SNX19: variants seen among roughly 807,000 people sequenced by gnomAD.
SNX19 encodes the protein sorting nexin-19.
SNX19 carries 60 observed loss-of-function variants against 85.2 expected under a neutral mutation model. That is an observed-to-expected ratio of 0.70 (90% CI 0.57 to 0.87). The LOEUF (loss-of-function observed/expected upper bound fraction) is 0.87. SNX19 is among the 40% of genes least tolerant of loss of function. The pLI is 0.00. For missense variants in SNX19, 1,201 were observed against 1,217.8 expected, an observed-to-expected ratio of 0.99 and a Z score of 0.21; for synonymous variants, 520 against 470.0, an observed-to-expected ratio of 1.11 and a Z score of -1.38.
rs1374196509 is a variant in SNX19, at chr11:130,872,037, A to C, written c.*6385T>G. Among the ~76,000 whole-genome samples the C allele has an allele frequency of 1.3e-5, 2 of 152,070 alleles. No homozygotes were observed. Among genetic ancestry groups the C allele is most frequent in the African/African-American group, 2.4e-5 (1 of 41,410 alleles). ...TTTGTTTTTTTAATTCTCCCCTCCTAAGCTTCCACATCCCAGAGATGGTGT... is the reference window on the plus strand; with the variant it reads ...TTTGTTTTTTTAATTCTCCCCTCCTCAGCTTCCACATCCCAGAGATGGTGT... On this transcript the variant is annotated 3_prime_UTR_variant, in exon 11 of 11. Transcript: ENST00000265909.
chr11:130,889,868 A>G (rs1311909359), intron 8 of SNX19, among the ~76,000 whole-genome samples: 1 of 152,204 alleles, frequency 6.6e-6, no homozygotes, highest in Non-Finnish European at 1.5e-5. Context: ...ACCAGCTACA[A>G]GGTTAGCTAT....
At chr11:130,890,090 C>T (rs1944392669) in intron 8 of SNX19, among the ~76,000 whole-genome samples, 1 of 152,078 alleles carries the variant, frequency 6.6e-6, no homozygotes, top group East Asian at 1.9e-4. Context: ...AACCACAACC[C>T]CAATATGCTG....
rs12284514 is a variant in SNX19 at position 130,868,953 on chromosome 11, C to T, written c.*9469G>A. On this transcript the variant is annotated 3_prime_UTR_variant, in exon 11 of 11. Transcript: ENST00000265909. ...GTTGCCAACGTCATTTATGGATCAGCAACTGCTTGTAGGCAAAGTCTGTTA... is the reference window on the plus strand; with the variant it reads ...GTTGCCAACGTCATTTATGGATCAGTAACTGCTTGTAGGCAAAGTCTGTTA... 0.092 allele frequency: 13,972 copies of T among 152,272 alleles called. 1,112 individuals carry two copies. Among genetic ancestry groups the T allele is most frequent in the African/African-American group, 0.21 (8,761 of 41,512 alleles). 9.4% of individuals were successfully genotyped at this position (152,272 alleles called of 1,614,324 possible).
chr11:130,895,955 T>C (rs773090301), intron 8 of SNX19, among the ~76,000 whole-genome samples: 10 of 152,186 alleles, frequency 6.6e-5, no homozygotes, highest in Non-Finnish European at 1.5e-4. Context: ...AGTCAAGAGC[T>C]TCCCTTTGGC....
intron 1 of SNX19, among the ~76,000 whole-genome samples, chr11:130,912,266 C>T (rs1358926669): frequency 6.6e-6 from 1 of 152,166 alleles, no homozygotes; most frequent in Non-Finnish European, 1.5e-5. Flanking sequence ...TTGTTTCACG[C>T]AGATTAATTT....
chr11:130,904,113 A>C (rs1945477215), intron 7 of SNX19, among the ~76,000 whole-genome samples: 1 of 152,196 alleles, frequency 6.6e-6, no homozygotes, highest in South Asian at 2.1e-4. Context: ...AAGGGCCACA[A>C]ATGAGCTTAT....
chr11:130,907,382 G>A (rs1945753646), intron 5 of SNX19, among the ~76,000 whole-genome samples: 1 of 152,078 alleles, frequency 6.6e-6, no homozygotes, highest in African/African-American at 2.4e-5. Flanking sequence ...CCCAGATATA[G>A]ATGAAATTTC....
intron 9 of SNX19, among the ~76,000 whole-genome samples, chr11:130,880,354 AC>A (rs138130347): frequency 0.048 from 7,314 of 152,242 alleles, 241 homozygotes; most frequent in Non-Finnish European, 0.078. Context: ...AAAGTTATTA[AC>A]CTAAATATCT....
chr11:130,898,834 T>C (rs1207371321), intron 8 of SNX19, among the ~76,000 whole-genome samples: 1 of 151,466 alleles, frequency 6.6e-6, no homozygotes, highest in African/African-American at 2.4e-5. Flanking sequence ...GAGATGCAGT[T>C]TGGATTCTAC....
At chr11:130,913,801 G>C (rs548015479) in intron 1 of SNX19, among the ~76,000 whole-genome samples, 19 of 152,334 alleles carry the variant, frequency 1.2e-4, no homozygotes, top group Non-Finnish European at 2.5e-4. Context: ...CTTGACAAGA[G>C]ATAACATGAA....
intron 8 of SNX19, among the ~76,000 whole-genome samples, chr11:130,887,475 G>T (rs560159818): frequency 6.6e-6 from 1 of 152,334 alleles, no homozygotes; most frequent in African/African-American, 2.4e-5. Context: ...TAACGGCATA[G>T]ACAAGGGTTG....
rs757708245 is a variant in SNX19 at position 130,915,033 on chromosome 11, C to A, written c.907G>T (p.Gly303Trp). ...GGGGCTGCTACTGGAGAAGCTCTCC[C>A]TTCTGGAAGCTGCTCTACCTCAGCA... ...LIAEVEQLPE[G>W]RASPVAAPVF... The change falls in exon 1 of 11, where the codon GGG (glycine) becomes TGG (tryptophan). Residue 303 changes from glycine (G) to tryptophan (W), a missense_variant. This residue lies in a region of SNX19 where 791 missense variants were observed against 750.9 expected (regional missense o/e 1.05). Coordinates refer to ENST00000265909, the MANE Select transcript of SNX19 (RefSeq NM_014758.3). 5 of 1,614,146 alleles carry A rather than the reference C, an allele frequency of 3.1e-6. No homozygotes were observed. In the South Asian group the frequency reaches 4.4e-5, roughly 14 times the overall value.
chr11:130,891,600 T>C (rs1259975390), intron 8 of SNX19, among the ~76,000 whole-genome samples: 3 of 152,132 alleles, frequency 2.0e-5, no homozygotes, highest in Admixed American at 2.0e-4. Context: ...TGGAGCAGCA[T>C]TGAATTGATT....
chr11:130,893,909 T>G, intron 8 of SNX19: 1 of 672,198 alleles, frequency 1.5e-6, no homozygotes, highest in South Asian at 1.6e-5. Context: ...ACCAAATAGC[T>G]CTACTTCTCC....
rs746322577 is a variant in SNX19, at chr11:130,910,134, G to GTTGC, written c.1915-1_1917dup (p.Leu640AlafsTer10). On this transcript the variant is annotated frameshift_variant, in exon 4 of 11. Coordinates refer to ENST00000265909, the MANE Select transcript of SNX19 (RefSeq NM_014758.3). LOFTEE classifies it high-confidence loss of function. ...TTAGCGATCTCCGGAATGGCACAGA[G>GTTGC]TTGCTGCAAAAGTAAAACACACACA... is the stretch of plus-strand genomic sequence containing the variant. The GTTGC allele has an allele frequency of 2.5e-6, 4 of 1,614,156 alleles. No homozygotes were observed. In the Admixed American group the frequency reaches 6.7e-5, roughly 27 times the overall value.
rs1230653249 is a variant in SNX19 at position 130,872,572 on chromosome 11, C to T, written c.*5850G>A. Among the ~76,000 whole-genome samples the T allele has an allele frequency of 1.3e-5, 2 of 152,126 alleles. No homozygotes were observed. The highest frequency in any genetic ancestry group is 2.9e-5 in the Non-Finnish European group (2 of 68,028). ...GCAATGTCTCCCTCACCGCCTCTCT[C>T]ATCCTTTATACCATAAAAGAGTGAT... On this transcript the variant is annotated 3_prime_UTR_variant, in exon 11 of 11. Transcript: ENST00000265909.
At position 130,876,629 on chromosome 11, in the gene SNX19, A is replaced by G. The variant is rs904336360; in HGVS notation, c.*1793T>C. 1 of 152,666 alleles carries G rather than the reference A, an allele frequency of 6.6e-6. No individual in the cohort carries two copies. Among genetic ancestry groups the G allele is most frequent in the Non-Finnish European group, 1.5e-5 (1 of 68,072 alleles). The allele number at this position is 152,666 out of a possible 1,614,324, so 9.5% of individuals were successfully genotyped here. ...GTAGGTATGGGGAGAGAAAAGTGGC[A>G]TAAAACAAGGCTGTCCCCCTATGCT... On this transcript the variant is annotated 3_prime_UTR_variant, in exon 11 of 11. Transcript: ENST00000265909.
chr11:130,907,247 C>T (rs1251525637), intron 5 of SNX19, among the ~76,000 whole-genome samples: 1 of 152,172 alleles, frequency 6.6e-6, no homozygotes, highest in Non-Finnish European at 1.5e-5. Flanking sequence ...GGTCATCCCT[C>T]AATATATGGG....
rs1055350423 is a variant in SNX19 at position 130,874,869 on chromosome 11, T to G, written c.*3553A>C. Among the ~76,000 whole-genome samples the G allele has an allele frequency of 2.6e-4, 40 of 152,238 alleles. No homozygotes were observed. Among genetic ancestry groups the G allele is most frequent in the African/African-American group, 9.4e-4 (39 of 41,530 alleles). On this transcript the variant is annotated 3_prime_UTR_variant, in exon 11 of 11. Transcript: ENST00000265909. ...TTATGAAAAAACAAAACATTACAAG[T>G]GTTGGAGAGGATGTGGAGAAACTGG...
Sources: allele counts gnomAD v4.1 joint callset (sites outside exome capture counted in the v4.1 genomes callset), GRCh38; gene constraint gnomAD v4.1.1; regional missense constraint gnomAD v4.1.1; transcripts MANE v1.5; gene names NCBI Gene and HGNC (gene_info 2026-07-23, HGNC 2026-07-21).